AGBL1: variants seen among roughly 807,000 people sequenced by gnomAD.
AGBL1 encodes AGBL carboxypeptidase 1, also known as cytosolic carboxypeptidase 4.
A neutral mutation model predicts 118.9 loss-of-function variants in AGBL1; 130 were observed. The ratio of observed to expected loss-of-function variants is 1.09; its 90% CI spans 0.95 to 1.26. The LOEUF is 1.26. Ranked by LOEUF, AGBL1 falls within the 50% of genes most tolerant of loss-of-function variation. AGBL1 has a pLI of 0.00. For synonymous variants in AGBL1, 555 were observed against 478.9 expected (o/e 1.16, Z -2.08); for missense variants, 1,584 against 1,298.1 (o/e 1.22, Z -3.38).
chr15:86,326,660 G>A (rs2080188999), intron 17 of AGBL1, among the ~76,000 whole-genome samples: 4 of 152,074 alleles, frequency 2.6e-5, no homozygotes, highest in Non-Finnish European at 5.9e-5. Context: ...AGGATTGAGG[G>A]AGGTATATGT....
chr15:86,644,688 A>G (rs2085248172), intron 21 of AGBL1, among the ~76,000 whole-genome samples: 1 of 152,042 alleles, frequency 6.6e-6, no homozygotes, highest in Admixed American at 6.5e-5. Context: ...CAAACAAACA[A>G]AAAGCTGAAG....
chr15:86,341,195 C>G (rs1197624213), intron 17 of AGBL1, among the ~76,000 whole-genome samples: 3 of 152,160 alleles, frequency 2.0e-5, no homozygotes, highest in Non-Finnish European at 4.4e-5. Flanking sequence ...GAGTGGAAGT[C>G]TAGTCTCCCT....
chr15:86,862,061 C>G (rs939875768), intron 22 of AGBL1, among the ~76,000 whole-genome samples: 1 of 152,078 alleles, frequency 6.6e-6, no homozygotes, highest in African/African-American at 2.4e-5. Flanking sequence ...TCCAAGCTAC[C>G]AACCTCTATA....
intron 17 of AGBL1, among the ~76,000 whole-genome samples, chr15:86,380,693 C>T (rs557588145): frequency 1.3e-5 from 2 of 152,206 alleles, no homozygotes; most frequent in Non-Finnish European, 1.5e-5. Flanking sequence ...ATTAACTTCC[C>T]GTTCATTTAC....
At chr15:86,852,722 T>G (rs1229011601) in intron 22 of AGBL1, among the ~76,000 whole-genome samples, 1 of 152,194 alleles carries the variant, frequency 6.6e-6, no homozygotes. Context: ...CAAGCCATCC[T>G]GTGAACCTCT....
intron 18 of AGBL1, among the ~76,000 whole-genome samples, chr15:86,405,599 A>G (rs1029102622): frequency 6.6e-6 from 1 of 152,174 alleles, no homozygotes; most frequent in Non-Finnish European, 1.5e-5. Context: ...TACGTAACGA[A>G]ATTCCTAAGG....
intron 22 of AGBL1, among the ~76,000 whole-genome samples, chr15:86,897,229 T>G (rs1055956630): frequency 9.2e-5 from 14 of 152,178 alleles, no homozygotes; most frequent in Admixed American, 5.9e-4. Flanking sequence ...GTGCCTTACA[T>G]GTTTCTCAGC....
At chr15:86,618,887 C>T (rs1383956121) in intron 21 of AGBL1, among the ~76,000 whole-genome samples, 4 of 152,160 alleles carry the variant, frequency 2.6e-5, no homozygotes, top group Non-Finnish European at 5.9e-5. Context: ...GGCGCTAACT[C>T]CTTCTCTTGG....
At chr15:86,361,442 G>A (rs1017841398) in intron 17 of AGBL1, among the ~76,000 whole-genome samples, 71 of 152,012 alleles carry the variant, frequency 4.7e-4, no homozygotes, top group Non-Finnish European at 2.1e-4. Context: ...AGAATGTTCT[G>A]TATATTTCTG....
intron 24 of AGBL1, among the ~76,000 whole-genome samples, chr15:87,020,329 C>G (rs2081652175): frequency 6.6e-6 from 1 of 152,032 alleles, no homozygotes; most frequent in South Asian, 2.1e-4. Flanking sequence ...TCTCAATAAA[C>G]TAGGAACTGA....
In AGBL1 at chr15:86,619,031, G is replaced by A. The variant is rs528440890; in HGVS notation, c.2995-55242G>A. On this transcript the variant is annotated intron_variant, in intron 21 of 22. Coordinates refer to ENST00000614907, the MANE Select transcript of AGBL1 (RefSeq NM_001386094.1). ...AATGACTTTCAGTTCAGAAAATTTC[G>A]TAGGCCCTTCTGTAATGAGGACCCT... 1.2e-4 allele frequency among the ~76,000 whole-genome samples: 19 copies of A among 152,074 alleles called. No homozygotes were observed. In the South Asian group the frequency reaches 1.9e-3, roughly 15 times the overall value.
At chr15:86,621,613 T>A (rs2084805643) in intron 21 of AGBL1, among the ~76,000 whole-genome samples, 1 of 152,216 alleles carries the variant, frequency 6.6e-6, no homozygotes, top group Non-Finnish European at 1.5e-5. Context: ...CCAGTATATC[T>A]TGAGATCCTT....
At chr15:86,409,582 A>G (rs1348354008) in intron 18 of AGBL1, among the ~76,000 whole-genome samples, 1 of 152,170 alleles carries the variant, frequency 6.6e-6, no homozygotes, top group Non-Finnish European at 1.5e-5. Flanking sequence ...AGAGTTATTA[A>G]TTATATCAGC....
Position 87,028,913 on chromosome 15 carries a change from A to G in AGBL1, c.*73A>G, listed in dbSNP as rs2081760871. On this transcript the variant is annotated 3_prime_UTR_variant, in exon 25 of 25. Coordinates refer to the AGBL1 transcript ENST00000441037. Reference sequence around the variant, plus strand: ...CAGCTCCTCCTGGATCTGTGAGGAAATATCTGAAACCTTCAAGATGTTGTA... The same window carrying G: ...CAGCTCCTCCTGGATCTGTGAGGAAGTATCTGAAACCTTCAAGATGTTGTA... 2.0e-6 allele frequency: 3 copies of G among 1,500,710 alleles called. No individual in the cohort carries two copies. In the Admixed American group the frequency reaches 5.1e-5, roughly 25 times the overall value. 93.0% of individuals were successfully genotyped at this position (1,500,710 alleles called of 1,614,324 possible).
Position 86,999,163 on chromosome 15 carries a change from G to A in AGBL1, c.3323+11075G>A, listed in dbSNP as rs1036194531. Among the ~76,000 whole-genome samples the A allele has an allele frequency of 7.3e-5, 11 of 149,666 alleles. No individual in the cohort carries two copies. The East Asian group carries it at 1.2e-3, about 16-fold the overall frequency. ...AACGATGGTTTCAAGCTTCATCCAC[G>A]TCCCTACAAAAGACATGAACTCATC... On this transcript the variant is annotated intron_variant, in intron 24 of 24. Coordinates refer to the AGBL1 transcript ENST00000441037.
In AGBL1 at chr15:86,301,706, G is replaced by A. The variant is rs546532765; in HGVS notation, c.2374+6298G>A. On this transcript the variant is annotated intron_variant, in intron 17 of 22. Coordinates refer to ENST00000614907, the MANE Select transcript of AGBL1 (RefSeq NM_001386094.1). ...TGTGTGTGTGTGTGATGTCAAACGGGTCATTATAATACAGAAAGTTTTAAC... is the reference window on the plus strand; with the variant it reads ...TGTGTGTGTGTGTGATGTCAAACGGATCATTATAATACAGAAAGTTTTAAC... 3.4e-5 allele frequency among the ~76,000 whole-genome samples: 5 copies of A among 147,364 alleles called. No homozygotes were observed. The East Asian group carries it at 8.1e-4, about 24-fold the overall frequency.
intron 21 of AGBL1, among the ~76,000 whole-genome samples, chr15:86,571,656 G>A (rs1006509608): frequency 2.6e-4 from 39 of 152,274 alleles, no homozygotes; most frequent in African/African-American, 8.9e-4. Flanking sequence ...TCTCCCCCTT[G>A]TTTCCTATCC....
intron 19 of AGBL1, among the ~76,000 whole-genome samples, chr15:86,540,429 A>C (rs2083478451): frequency 6.6e-6 from 1 of 152,116 alleles, no homozygotes; most frequent in Non-Finnish European, 1.5e-5. Flanking sequence ...TGCTGTCTCT[A>C]CTAAAAACAC....
At chr15:86,341,628 T>C (rs1225347116) in intron 17 of AGBL1, among the ~76,000 whole-genome samples, 2 of 152,172 alleles carry the variant, frequency 1.3e-5, no homozygotes, top group African/African-American at 2.4e-5. Context: ...GTAGAACTTA[T>C]CATTTCATGC....
Sources: gnomAD v4.1 joint callset for allele counts (sites outside exome capture counted in the v4.1 genomes callset) on GRCh38, gnomAD v4.1.1 for gene constraint, MANE v1.5 for transcripts, NCBI Gene and HGNC (gene_info 2026-07-23, HGNC 2026-07-21) for gene names.